The following SCML4 variants were observed in gnomAD, a reference collection of about 807,000 sequenced individuals.
SCML4 encodes sex comb on midleg-like protein 4.
Under a neutral mutation model 41.1 loss-of-function variants are expected in SCML4, and 34 were observed. The ratio of observed to expected loss-of-function variants is 0.83; its 90% CI spans 0.63 to 1.10. The LOEUF (loss-of-function observed/expected upper bound fraction) is 1.10, where lower values mean the gene tolerates loss of function less well. SCML4 is among the 50% of genes least tolerant of loss of function. The pLI, the probability that SCML4 is intolerant of heterozygous loss-of-function variation, is 0.00. For missense variants in SCML4, 522 were observed against 534.1 expected, an observed-to-expected ratio of 0.98 and a Z score of 0.22; for synonymous variants, 214 against 220.9, an observed-to-expected ratio of 0.97 and a Z score of 0.28.
At chr6:107,790,771 G>T (rs576638981) in intron 1 of SCML4, among the ~76,000 whole-genome samples, 1 of 152,022 alleles carries the variant, frequency 6.6e-6, no homozygotes, top group Admixed American at 6.6e-5. Context: ...GTCCCACAAA[G>T]GTCAAAGCAC....
rs1778437823 is a variant in SCML4 at position 107,749,666 on chromosome 6, T to C, written c.286+18A>G. On this transcript the variant is annotated intron_variant, in intron 3 of 7. Transcript: ENST00000369020. Reference sequence around the variant, plus strand: ...TCTACAGACCATCACAGCCTTGGAGTTCATTCTGCTGACCTACCTGTGAGA... The same window carrying C: ...TCTACAGACCATCACAGCCTTGGAGCTCATTCTGCTGACCTACCTGTGAGA... The C allele has an allele frequency of 8.1e-6, 13 of 1,613,110 alleles. No homozygotes were observed. In the East Asian group the frequency reaches 2.7e-4, roughly 33 times the overall value.
intron 6 of SCML4, chr6:107,718,869 G>A (rs188925300): frequency 6.6e-6 from 1 of 152,384 alleles, no homozygotes; most frequent in African/African-American, 2.4e-5. Context: ...ATGGGGCTGA[G>A]GAGAAGAGGA....
chr6:107,774,600 T>A (rs921404826), intron 1 of SCML4, among the ~76,000 whole-genome samples: 2 of 152,242 alleles, frequency 1.3e-5, no homozygotes, highest in East Asian at 3.8e-4. Context: ...ATTATTTTTA[T>A]AGACTTTAAA....
chr6:107,804,921 G>C (rs1323573202), intron 1 of SCML4, among the ~76,000 whole-genome samples: 1 of 152,178 alleles, frequency 6.6e-6, no homozygotes, highest in African/African-American at 2.4e-5. Flanking sequence ...AATGAGCTGT[G>C]TTCGCACCAC....
At chr6:107,841,433 G>A in the SCML4 span, among the ~76,000 whole-genome samples, 2 of 152,230 alleles carry the variant, frequency 1.3e-5, no homozygotes, top group Admixed American at 6.5e-5. Flanking sequence ...CAGACACTGT[G>A]CCAGCACGGG....
chr6:107,769,268 G>C (rs56108947), intron 2 of SCML4, among the ~76,000 whole-genome samples: 27,609 of 152,250 alleles, frequency 0.18, 2,667 homozygotes, highest in African/African-American at 0.24. Flanking sequence ...GGCCAAGAGG[G>C]AGATGGCCAG....
chr6:107,751,931 C>T (rs1778731553), intron 2 of SCML4, among the ~76,000 whole-genome samples: 1 of 152,106 alleles, frequency 6.6e-6, no homozygotes, highest in Non-Finnish European at 1.5e-5. Flanking sequence ...CTGTGCCCGA[C>T]CAACAGTCTT....
At chr6:107,811,871 T>C (rs943150683) in intron 1 of SCML4, among the ~76,000 whole-genome samples, 7 of 152,196 alleles carry the variant, frequency 4.6e-5, no homozygotes, top group African/African-American at 7.2e-5. Flanking sequence ...CATGGACCAG[T>C]CGTGGCGTCT....
At chr6:107,743,119 G>C (rs1403180695) in intron 5 of SCML4, among the ~76,000 whole-genome samples, 1 of 149,024 alleles carries the variant, frequency 6.7e-6, no homozygotes, top group Non-Finnish European at 1.5e-5. Flanking sequence ...GAAATAAGTT[G>C]TAATTTCTTT....
intron 6 of SCML4, among the ~76,000 whole-genome samples, chr6:107,714,457 C>T (rs982859513): frequency 1.3e-5 from 2 of 152,184 alleles, no homozygotes; most frequent in Non-Finnish European, 2.9e-5. Context: ...ACTCCCTCCC[C>T]ATCTGATTCT....
At chr6:107,757,267 T>C (rs1251164615) in intron 2 of SCML4, among the ~76,000 whole-genome samples, 1 of 151,992 alleles carries the variant, frequency 6.6e-6, no homozygotes, top group Non-Finnish European at 1.5e-5. Flanking sequence ...GGAGGGGATT[T>C]GGGGGGAAAC....
the SCML4 span, among the ~76,000 whole-genome samples, chr6:107,840,824 G>A: frequency 6.6e-6 from 1 of 152,126 alleles, no homozygotes; most frequent in Admixed American, 6.5e-5. Context: ...CTGAGGCAAT[G>A]GAGAGTGGGA....
At chr6:107,752,741 T>C (rs1778793937) in intron 2 of SCML4, among the ~76,000 whole-genome samples, 1 of 152,196 alleles carries the variant, frequency 6.6e-6, no homozygotes, top group South Asian at 2.1e-4. Context: ...GTGGGTTGAA[T>C]TGGGATAAGA....
chr6:107,730,441 T>C (rs1371503340), intron 5 of SCML4, among the ~76,000 whole-genome samples: 3 of 152,246 alleles, frequency 2.0e-5, no homozygotes, highest in African/African-American at 7.2e-5. Context: ...CCAGCCTGTG[T>C]GAGGCCATTT....
chr6:107,796,533 C>G (rs1782729021), intron 1 of SCML4, among the ~76,000 whole-genome samples: 1 of 152,136 alleles, frequency 6.6e-6, no homozygotes, highest in South Asian at 2.1e-4. Context: ...TTTATATATT[C>G]TAGAGACAAG....
intron 4 of SCML4, chr6:107,745,917 C>G (rs915604652): frequency 6.6e-6 from 1 of 152,020 alleles, no homozygotes; most frequent in Non-Finnish European, 1.5e-5. Flanking sequence ...CGCTTGAGCC[C>G]GGAAGATCGA....
At chr6:107,737,314 G>A (rs374804805) in intron 5 of SCML4, among the ~76,000 whole-genome samples, 4 of 152,166 alleles carry the variant, frequency 2.6e-5, no homozygotes, top group South Asian at 2.1e-4. Context: ...TGCTTCAGGT[G>A]CTTGCTGGCC....
At chr6:107,764,698 T>A (rs962306591) in intron 2 of SCML4, among the ~76,000 whole-genome samples, 8 of 152,202 alleles carry the variant, frequency 5.3e-5, no homozygotes, top group Admixed American at 3.9e-4. Context: ...CTATCTGATA[T>A]GGTTTCACTG....
intron 6 of SCML4, chr6:107,720,149 CT>C: frequency 1.0e-6 from 1 of 973,036 alleles, no homozygotes; most frequent in Non-Finnish European, 1.2e-6. Context: ...GTTCTCCTTT[CT>C]CCTGGGCAGA....
Sources: allele counts gnomAD v4.1 joint callset (sites outside exome capture counted in the v4.1 genomes callset), GRCh38; gene constraint gnomAD v4.1.1; transcripts MANE v1.5; gene names NCBI Gene and HGNC (gene_info 2026-07-23, HGNC 2026-07-21).